The following THNSL1 variants were observed in gnomAD, a reference collection of about 807,000 sequenced individuals.
The protein encoded by THNSL1 is threonine synthase-like 1.
Under a neutral mutation model 50.4 loss-of-function variants are expected in THNSL1, and 48 were observed. The observed-to-expected ratio is 0.95, with a 90% CI of 0.76 to 1.21. The LOEUF (loss-of-function observed/expected upper bound fraction) is 1.21. Among genes scored for constraint, THNSL1 ranks in the 50% most tolerant of loss-of-function variants. The pLI is 0.00. For synonymous variants in THNSL1, 309 were observed against 306.1 expected, an observed-to-expected ratio of 1.01 and a Z score of -0.10; for missense variants, 896 against 871.7, an observed-to-expected ratio of 1.03 and a Z score of -0.35.
At chr10:24,976,738 C>G in the THNSL1 span, among the ~76,000 whole-genome samples, 1 of 152,140 alleles carries the variant, frequency 6.6e-6, no homozygotes, top group African/African-American at 2.4e-5. Context: ...AGATGATCCA[C>G]CTGCCTCGGC....
chr10:24,984,451 T>C, the THNSL1 span: 1 of 1,473,586 alleles, frequency 6.8e-7, no homozygotes, highest in South Asian at 1.3e-5. Flanking sequence ...TTAATGTTTA[T>C]GTGAAACAAG....
At chr10:24,982,643 A>T in the THNSL1 span, 2 of 152,166 alleles carry the variant, frequency 1.3e-5, no homozygotes, top group Non-Finnish European at 2.9e-5. Context: ...CTTTTGGGTG[A>T]TAGGATGACC....
At chr10:25,019,026 C>T (rs1033391333) in intron 1 of THNSL1, among the ~76,000 whole-genome samples, 2 of 152,126 alleles carry the variant, frequency 1.3e-5, no homozygotes, top group Non-Finnish European at 2.9e-5. Context: ...GTGGGAGGCC[C>T]TCTGAATGAA....
At chr10:25,009,746 T>A in the THNSL1 span, among the ~76,000 whole-genome samples, 1 of 152,124 alleles carries the variant, frequency 6.6e-6, no homozygotes, top group Admixed American at 6.5e-5. Flanking sequence ...ATGCTGTTCT[T>A]GGGATAGTGA....
chr10:24,970,527 T>A, the THNSL1 span, among the ~76,000 whole-genome samples: 2 of 149,856 alleles, frequency 1.3e-5, no homozygotes, highest in Non-Finnish European at 3.0e-5. Flanking sequence ...CTGGGCAACA[T>A]AGCAAGAACC....
At chr10:25,017,695 C>A (rs1369975361) in intron 1 of THNSL1, among the ~76,000 whole-genome samples, 3 of 149,806 alleles carry the variant, frequency 2.0e-5, no homozygotes, top group East Asian at 2.0e-4. Flanking sequence ...CAGATTTCTT[C>A]ACATCAGATT....
At chr10:24,973,599 GAGAATACATGAAAAAAATTATA>G in the THNSL1 span, among the ~76,000 whole-genome samples, 36 of 152,090 alleles carry the variant, frequency 2.4e-4, no homozygotes, top group African/African-American at 8.4e-4. Flanking sequence ...ATCTTTTTAT[GAGAATACATGAAAAAAATTATA>G]AGAATACATG....
the THNSL1 span, among the ~76,000 whole-genome samples, chr10:24,972,995 A>C: frequency 3.0e-4 from 45 of 152,350 alleles, no homozygotes; most frequent in African/African-American, 1.1e-3. Flanking sequence ...AATTAGGCAC[A>C]TAAGAAATGA....
upstream of THNSL1, chr10:25,015,977 T>C (rs1850560568): frequency 1.3e-6 from 2 of 1,585,292 alleles, no homozygotes; most frequent in Non-Finnish European, 1.7e-6. Context: ...TCCACAACTT[T>C]TTTCTCCCTG....
chr10:24,978,844 G>A, the THNSL1 span, among the ~76,000 whole-genome samples: 1 of 152,168 alleles, frequency 6.6e-6, no homozygotes, highest in Admixed American at 6.6e-5. Context: ...GGACTGGAAG[G>A]AGGGTTGGAC....
the THNSL1 span, chr10:24,999,571 A>G: frequency 1.9e-6 from 3 of 1,575,750 alleles, no homozygotes; most frequent in Non-Finnish European, 2.6e-6. Flanking sequence ...TAAAAGTTGT[A>G]GCATTTATAC....
the THNSL1 span, among the ~76,000 whole-genome samples, chr10:24,985,883 C>T: frequency 2.0e-5 from 3 of 152,106 alleles, no homozygotes; most frequent in African/African-American, 4.8e-5. Context: ...GTGTGGGCAA[C>T]ATGGCAAAAC....
the THNSL1 span, among the ~76,000 whole-genome samples, chr10:24,995,335 A>G: frequency 6.6e-6 from 1 of 152,230 alleles, no homozygotes; most frequent in Non-Finnish European, 1.5e-5. Context: ...GACTGCTTTT[A>G]GTGACATTTC....
chr10:25,024,793 G>T lies in THNSL1; in HGVS notation c.1570G>T (p.Gly524Ter). The T allele has an allele frequency of 6.2e-7, 1 of 1,614,060 alleles. No individual in the cohort carries two copies. Among genetic ancestry groups the T allele is most frequent in the Non-Finnish European group, 8.5e-7 (1 of 1,180,012 alleles). Residue 524 changes from glycine to a stop codon, truncating the protein, a stop_gained, in exon 3 of 3, where the codon GGA becomes TGA. Transcript: ENST00000376356. LOFTEE classifies it high-confidence loss of function. Reference sequence around the variant, plus strand: ...AGCAGCAGTGTATGCCAAAATGATGGGAATCCCGATTCGAAAATTTATCTG... The same window carrying T: ...AGCAGCAGTGTATGCCAAAATGATGTGAATCCCGATTCGAAAATTTATCTG... ...ILAAVYAKMM[G>*]IPIRKFICAS...
chr10:24,999,486 C>T, the THNSL1 span: 1,110 of 1,613,156 alleles, frequency 6.9e-4, 1 homozygote, highest in Non-Finnish European at 8.0e-4. Context: ...CCATAGTTTT[C>T]ATTGCAGTTT....
the THNSL1 span, among the ~76,000 whole-genome samples, chr10:24,986,040 C>A: frequency 5.9e-5 from 9 of 152,128 alleles, no homozygotes; most frequent in African/African-American, 2.2e-4. Flanking sequence ...TGCACTCCAG[C>A]CTGAAACAAC....
the THNSL1 span, among the ~76,000 whole-genome samples, chr10:24,954,505 T>C: frequency 1.3e-5 from 2 of 152,138 alleles, no homozygotes; most frequent in African/African-American, 4.8e-5. Flanking sequence ...GGTTCCAGCC[T>C]AGACACTGCG....
chr10:24,998,421 C>T, the THNSL1 span, among the ~76,000 whole-genome samples: 1 of 144,038 alleles, frequency 6.9e-6, no homozygotes, highest in Non-Finnish European at 1.5e-5. Context: ...GTTGTCCAGG[C>T]TAGAAGGCTG....
chr10:25,011,379 C>T, the THNSL1 span, among the ~76,000 whole-genome samples: 1 of 152,132 alleles, frequency 6.6e-6, no homozygotes, highest in Non-Finnish European at 1.5e-5. Flanking sequence ...CAAAAATTTT[C>T]TCCCATTCTG....
Sources: allele counts gnomAD v4.1 joint callset (sites outside exome capture counted in the v4.1 genomes callset), GRCh38; gene constraint gnomAD v4.1.1; transcripts MANE v1.5; gene names NCBI Gene and HGNC (gene_info 2026-07-23, HGNC 2026-07-21).